SLIT1: variants seen among roughly 807,000 people sequenced by gnomAD.
The protein encoded by SLIT1 is slit homolog 1 protein.
In SLIT1, 66 loss-of-function variants were observed where a neutral mutation model predicts 186.1. That is an observed-to-expected ratio of 0.35 (90% CI 0.29 to 0.44). The LOEUF is 0.44. Among genes scored for constraint, SLIT1 ranks in the 20% least tolerant of loss-of-function variants. The probability of loss-of-function intolerance (pLI) is 1.00; values close to 1 mark genes in which losing one functional copy is unlikely to be tolerated. For synonymous variants in SLIT1, 761 were observed against 833.8 expected (o/e 0.91, Z 1.50); for missense variants, 1,638 against 2,037.4 (o/e 0.80, Z 3.77).
chr10:97,183,399 A>C (rs572307147), intron 1 of SLIT1, among the ~76,000 whole-genome samples: 10 of 152,360 alleles, frequency 6.6e-5, no homozygotes, highest in African/African-American at 2.4e-4. Context: ...TTTAGCGAGC[A>C]TCAGAAGGTA....
rs1365892293 is a variant in SLIT1, at chr10:97,037,674, T to C, written c.2366+24A>G. ...TGGTTAGATGCCAAAGGCCCTCCTG[T>C]CCTCAAGCGGCCTGGATACTTACAC... On this transcript the variant is annotated intron_variant, in intron 22 of 36. Coordinates refer to ENST00000266058, the MANE Select transcript of SLIT1 (RefSeq NM_003061.3). 3.1e-6 allele frequency: 5 copies of C among 1,594,222 alleles called. No individual in the cohort carries two copies. The Admixed American group carries it at 5.0e-5, about 16-fold the overall frequency.
rs1266783509 is a variant in SLIT1, at chr10:97,040,169, G to A, written c.2165-49C>T. On this transcript the variant is annotated intron_variant, in intron 20 of 36. Coordinates refer to ENST00000266058, the MANE Select transcript of SLIT1 (RefSeq NM_003061.3). ...CTGTCAGGGAGGTGGACGGGCCGCT[G>A]TAGGGCCTCCTACAGTCAGGGCCAT... 2.7e-6 allele frequency: 4 copies of A among 1,492,004 alleles called. No homozygotes were observed. In the Admixed American group the frequency reaches 7.1e-5, roughly 27 times the overall value. 92.4% of individuals were successfully genotyped at this position (1,492,004 alleles called of 1,614,324 possible). A position where few individuals can be genotyped will look rare whatever the true frequency, so the allele number is the denominator to read the frequency against.
chr10:97,088,603 T>C (rs557227617), intron 4 of SLIT1, among the ~76,000 whole-genome samples: 1 of 152,286 alleles, frequency 6.6e-6, no homozygotes, highest in Non-Finnish European at 1.5e-5. Context: ...GAGTTACACA[T>C]GGCATGGGTG....
rs1252272649 is a variant in SLIT1, at chr10:97,004,392, CT to C, written c.3711-171del. Among the ~76,000 whole-genome samples the C allele has an allele frequency of 6.6e-6, 1 of 152,190 alleles. No individual in the cohort carries two copies. The highest frequency in any genetic ancestry group is 2.4e-5 in the African/African-American group (1 of 41,452). On this transcript the variant is annotated intron_variant, in intron 33 of 36. Coordinates refer to ENST00000266058, the MANE Select transcript of SLIT1 (RefSeq NM_003061.3). The surrounding 1 kb of genome is among the most constrained non-coding windows in gnomAD (Gnocchi z 5.1). ...TCGCATGATCCCTTTCACTCCCCTT[CT>C]TTGACTCCCTGGGGAAGGCTGAGAG...
intron 31 of SLIT1, among the ~76,000 whole-genome samples, chr10:97,007,362 T>C (rs1189969918): frequency 6.6e-6 from 1 of 151,932 alleles, no homozygotes; most frequent in Non-Finnish European, 1.5e-5. Flanking sequence ...TACCAAACAT[T>C]TAAAAACAAT....
intron 25 of SLIT1, among the ~76,000 whole-genome samples, chr10:97,029,609 C>CT (rs1848574282): frequency 6.6e-6 from 1 of 152,228 alleles, no homozygotes; most frequent in Non-Finnish European, 1.5e-5. Context: ...TTGATTTCGT[C>CT]TGTTTTTTAT....
intron 4 of SLIT1, among the ~76,000 whole-genome samples, chr10:97,072,774 G>A (rs1849011651): frequency 6.6e-6 from 1 of 152,238 alleles, no homozygotes. Context: ...TGCACCTGTA[G>A]AGAGAAGGAC....
Position 97,001,277 on chromosome 10 carries a change from C to T in SLIT1, c.4440G>A (p.Thr1480=), listed in dbSNP as rs143588507. 187 of 1,613,132 alleles carry T rather than the reference C, an allele frequency of 1.2e-4. No individual in the cohort carries two copies. The highest frequency in any genetic ancestry group is 1.5e-4 in the Non-Finnish European group (175 of 1,180,022). ...VQRGYAICQT[T]RPLSWVECRG... ...GGCACTCCACCCATGACAGGGGGCG[C>T]GTGGTCTGGCAGATGGCATAGCCCC... Residue 1480 remains threonine, a synonymous_variant, in exon 37 of 37, where the codon ACG becomes ACA. Transcript: ENST00000266058.
In SLIT1 at chr10:97,157,815, C is replaced by T. The variant is rs1849970971; in HGVS notation, c.413+3G>A. ...AACTCTCTGGCCACAGAGCGTCACT[C>T]ACAGTCTTGACAAAGCCTGGTTGTT... On this transcript the variant is annotated splice_donor_region_variant and intron_variant, in intron 4 of 36. Coordinates refer to ENST00000266058, the MANE Select transcript of SLIT1 (RefSeq NM_003061.3). 6.2e-7 allele frequency: 1 copy of T among 1,612,028 alleles called. No homozygotes were observed. The highest frequency in any genetic ancestry group is 8.5e-7 in the Non-Finnish European group (1 of 1,178,162).
At position 97,117,743 on chromosome 10, in the gene SLIT1, C is replaced by T. The variant is rs73322772; in HGVS notation, c.413+40075G>A. On this transcript the variant is annotated intron_variant, in intron 4 of 36. Coordinates refer to ENST00000266058, the MANE Select transcript of SLIT1 (RefSeq NM_003061.3). Reference sequence around the variant, plus strand: ...TTTTGAAAAATCAGTGAACTAAGATCCACTTCTGGCTCTCCCTGAGGACAA... The same window carrying T: ...TTTTGAAAAATCAGTGAACTAAGATTCACTTCTGGCTCTCCCTGAGGACAA... 0.017 allele frequency among the ~76,000 whole-genome samples: 2,574 copies of T among 152,292 alleles called. 100 individuals are homozygous for T. In the East Asian group the frequency reaches 0.19, roughly 11 times the overall value.
intron 36 of SLIT1, 27 bp downstream of exon 36, chr10:97,002,131 G>A: frequency 7.2e-7 from 1 of 1,390,880 alleles, no homozygotes; most frequent in Non-Finnish European, 9.5e-7. Context: ...ACCCTGGGGA[G>A]GGCACGTCAG....
chr10:97,034,660 G>A, intron 22 of SLIT1, 118 bp from the exon 23 acceptor site: 2 of 842,064 alleles, frequency 2.4e-6, no homozygotes, highest in Non-Finnish European at 4.0e-6. Context: ...GGTTGGCCAG[G>A]GGTGGAGAGG....
intron 4 of SLIT1, among the ~76,000 whole-genome samples, chr10:97,129,231 G>A (rs576925797): frequency 3.9e-5 from 6 of 152,134 alleles, no homozygotes; most frequent in South Asian, 2.1e-4. Flanking sequence ...GCGAAACCCC[G>A]TCTCTACTAA....
intron 1 of SLIT1, among the ~76,000 whole-genome samples, chr10:97,180,801 A>G (rs1455411635): frequency 1.3e-5 from 2 of 152,182 alleles, no homozygotes; most frequent in Admixed American, 1.3e-4. Context: ...GAGAGGCAAC[A>G]CTCAAATCCT....
chr10:97,060,164 G>A lies in SLIT1; in HGVS notation c.942-6C>T, dbSNP rs1848879002. 1.9e-6 allele frequency: 3 copies of A among 1,613,536 alleles called. No homozygotes were observed. The highest frequency in any genetic ancestry group is 2.5e-6 in the Non-Finnish European group (3 of 1,179,594). ...TGCCGTTCAGCTCCAGGCGTCTGCGGGGAGAAAAGAGAGGGGAAGCCCAAG... is the reference window on the plus strand; with the variant it reads ...TGCCGTTCAGCTCCAGGCGTCTGCGAGGAGAAAAGAGAGGGGAAGCCCAAG... On this transcript the variant is annotated splice_polypyrimidine_tract_variant and splice_region_variant and intron_variant, in intron 9 of 36. Coordinates refer to ENST00000266058, the MANE Select transcript of SLIT1 (RefSeq NM_003061.3).
At chr10:97,166,048 G>A (rs532570995) in intron 1 of SLIT1, among the ~76,000 whole-genome samples, 6 of 152,000 alleles carry the variant, frequency 3.9e-5, no homozygotes, top group South Asian at 2.1e-4. Context: ...CTCCCCACTC[G>A]CCTGCTCCTC....
intron 4 of SLIT1, among the ~76,000 whole-genome samples, chr10:97,147,312 T>C (rs1392300402): frequency 1.3e-5 from 2 of 152,138 alleles, no homozygotes; most frequent in Non-Finnish European, 2.9e-5. Context: ...AGAGTTTATA[T>C]TGGGGATGTT....
At chr10:97,147,171 A>C (rs1394150941) in intron 4 of SLIT1, among the ~76,000 whole-genome samples, 1 of 152,226 alleles carries the variant, frequency 6.6e-6, no homozygotes, top group Non-Finnish European at 1.5e-5. Flanking sequence ...GAAATAAGCC[A>C]GTCACAGAAG....
intron 4 of SLIT1, among the ~76,000 whole-genome samples, chr10:97,136,398 T>A (rs187739717): frequency 1.7e-4 from 26 of 152,360 alleles, no homozygotes; most frequent in Admixed American, 1.3e-4. Context: ...CTCACTTGCA[T>A]TGGCCTCTTC....
Sources: gnomAD v4.1 joint callset for allele counts (sites outside exome capture counted in the v4.1 genomes callset) on GRCh38, gnomAD v4.1.1 for gene constraint, Gnocchi (gnomAD v3.1) non-coding constraint, MANE v1.5 for transcripts, NCBI Gene and HGNC (gene_info 2026-07-23, HGNC 2026-07-21) for gene names.